The following DPP10 variants were observed in gnomAD, a reference collection of about 807,000 sequenced individuals.
The protein encoded by DPP10 is dipeptidyl peptidase like 10.
In DPP10, 33 loss-of-function variants were observed where a neutral mutation model predicts 120.9. That is an observed-to-expected ratio of 0.27 (90% CI 0.21 to 0.37). DPP10 has a LOEUF of 0.37. Among genes scored for constraint, DPP10 ranks in the 10% least tolerant of loss-of-function variants. The pLI is 1.00. For missense variants in DPP10, 816 were observed against 942.8 expected (o/e 0.87, Z 1.76); for synonymous variants, 337 against 326.1 (o/e 1.03, Z -0.36).
intron 3 of DPP10, among the ~76,000 whole-genome samples, chr2:115,428,818 G>A (rs934308089): frequency 9.9e-5 from 15 of 152,142 alleles, no homozygotes; most frequent in Admixed American, 6.5e-4. Flanking sequence ...TTGAACAAAG[G>A]AGACTGGGTT....
At chr2:114,900,604 T>C (rs1162776939) in intron 1 of DPP10, among the ~76,000 whole-genome samples, 1 of 152,224 alleles carries the variant, frequency 6.6e-6, no homozygotes, top group Non-Finnish European at 1.5e-5. Context: ...GTTTTGTTCA[T>C]TTACGTGTTG....
chr2:115,366,079 G>A (rs902501298), intron 3 of DPP10, among the ~76,000 whole-genome samples: 1 of 151,868 alleles, frequency 6.6e-6, no homozygotes, highest in Non-Finnish European at 1.5e-5. Flanking sequence ...CAGAGCCAGG[G>A]ATTTTCTTGA....
chr2:115,722,016 A>G (rs1396998204), intron 7 of DPP10, among the ~76,000 whole-genome samples: 3 of 152,182 alleles, frequency 2.0e-5, no homozygotes, highest in African/African-American at 7.2e-5. Context: ...CAAATACTGC[A>G]TGATTCCCCT....
chr2:115,529,459 GTTTT>G (rs3043862), intron 5 of DPP10, among the ~76,000 whole-genome samples: 1 of 146,170 alleles, frequency 6.8e-6, no homozygotes. Context: ...GGTGGCAAAA[GTTTT>G]TTTTTTTTTT....
At chr2:115,282,061 C>T (rs1269835300) in intron 1 of DPP10, among the ~76,000 whole-genome samples, 5 of 152,016 alleles carry the variant, frequency 3.3e-5, no homozygotes, top group Non-Finnish European at 7.4e-5. Flanking sequence ...AGAAAAATGA[C>T]ATCTAGTTTT....
At chr2:115,329,822 A>G (rs2062599597) in intron 2 of DPP10, among the ~76,000 whole-genome samples, 1 of 152,062 alleles carries the variant, frequency 6.6e-6, no homozygotes, top group Admixed American at 6.6e-5. Flanking sequence ...ACATTTTCTT[A>G]ATCCAGTCTA....
chr2:114,771,418 C>T (rs192066648), intron 1 of DPP10, among the ~76,000 whole-genome samples: 294 of 152,330 alleles, frequency 1.9e-3, no homozygotes, highest in Admixed American at 3.4e-3. Context: ...CAACCAGATT[C>T]ATCATCTGCT....
chr2:114,773,980 G>C (rs1681499034), intron 1 of DPP10, among the ~76,000 whole-genome samples: 1 of 151,708 alleles, frequency 6.6e-6, no homozygotes, highest in South Asian at 2.1e-4. Context: ...AAATATAAAA[G>C]TATATATTCT....
chr2:115,699,691 G>A (rs1312367313), intron 7 of DPP10, among the ~76,000 whole-genome samples: 10 of 152,228 alleles, frequency 6.6e-5, no homozygotes, highest in African/African-American at 2.2e-4. Context: ...CCCATTATCT[G>A]CCAGCATTAT....
At chr2:115,692,278 T>C (rs1484742896) in intron 7 of DPP10, among the ~76,000 whole-genome samples, 1 of 152,030 alleles carries the variant, frequency 6.6e-6, no homozygotes, top group African/African-American at 2.4e-5. Context: ...GCTTGGGATT[T>C]TTTCAAAATG....
At chr2:114,618,200 C>CT (rs965183879) in intron 1 of DPP10, among the ~76,000 whole-genome samples, 2 of 151,926 alleles carry the variant, frequency 1.3e-5, no homozygotes, top group Non-Finnish European at 2.9e-5. Context: ...AATTGCACCA[C>CT]TTTTTTTTGA....
intron 1 of DPP10, among the ~76,000 whole-genome samples, chr2:114,516,053 C>T (rs147595805): frequency 1.0e-3 from 159 of 152,230 alleles, no homozygotes; most frequent in African/African-American, 3.6e-3. Flanking sequence ...CCTGCTGGGC[C>T]CCACCCTCCT....
chr2:114,983,975 A>G (rs942536144), intron 1 of DPP10, among the ~76,000 whole-genome samples: 3 of 152,332 alleles, frequency 2.0e-5, no homozygotes, highest in Non-Finnish European at 4.4e-5. Flanking sequence ...CCGCCTCTCC[A>G]TGCAAATTGC....
intron 1 of DPP10, among the ~76,000 whole-genome samples, chr2:114,719,322 A>G (rs961558231): frequency 6.6e-6 from 1 of 152,128 alleles, no homozygotes; most frequent in Non-Finnish European, 1.5e-5. Flanking sequence ...AGGAAATTGT[A>G]CACTCAAGTC....
At chr2:115,408,993 GA>G (rs2068736112) in intron 3 of DPP10, among the ~76,000 whole-genome samples, 1 of 151,050 alleles carries the variant, frequency 6.6e-6, no homozygotes, top group Non-Finnish European at 1.5e-5. Context: ...TAGAAAAGGA[GA>G]AAAACAGTAA....
intron 3 of DPP10, among the ~76,000 whole-genome samples, chr2:115,406,253 A>T (rs1000947992): frequency 6.6e-6 from 1 of 152,182 alleles, no homozygotes; most frequent in Non-Finnish European, 1.5e-5. Flanking sequence ...GTTCCCAGTA[A>T]GATAGTCCTA....
At chr2:114,932,931 T>C (rs1696189494) in intron 1 of DPP10, among the ~76,000 whole-genome samples, 1 of 152,212 alleles carries the variant, frequency 6.6e-6, no homozygotes. Flanking sequence ...GGCAATCATT[T>C]GTGTGGCCTT....
chr2:115,161,769 G>A, intron 1 of DPP10: 1 of 497,140 alleles, frequency 2.0e-6, no homozygotes, highest in Non-Finnish European at 3.3e-6. Context: ...GCCGAGGGAG[G>A]GACCCTACGA....
intron 1 of DPP10, among the ~76,000 whole-genome samples, chr2:115,281,368 T>C (rs1199810737): frequency 1.3e-5 from 2 of 152,092 alleles, no homozygotes; most frequent in African/African-American, 4.8e-5. Context: ...TCCCGTAGAG[T>C]AATTGTGTTT....
Sources: allele counts gnomAD v4.1 joint callset (sites outside exome capture counted in the v4.1 genomes callset), GRCh38; gene constraint gnomAD v4.1.1; transcripts MANE v1.5; gene names NCBI Gene and HGNC (gene_info 2026-07-23, HGNC 2026-07-21).